The following KLHL15 variants were observed in gnomAD, a reference collection of about 807,000 sequenced individuals.
KLHL15 encodes the protein kelch like family member 15, also known as kelch-like protein 15.
KLHL15 carries 1 observed loss-of-function variant against 29.3 expected under a neutral mutation model. The ratio of observed to expected loss-of-function variants is 0.03; its 90% CI spans 0.01 to 0.16. The LOEUF is 0.16. Among genes scored for constraint, KLHL15 ranks in the 10% least tolerant of loss-of-function variants. The pLI, the probability that KLHL15 is intolerant of heterozygous loss-of-function variation, is 1.00. For missense variants in KLHL15, 215 were observed against 478.5 expected, an observed-to-expected ratio of 0.45 and a Z score of 5.14; for synonymous variants, 212 against 184.5, an observed-to-expected ratio of 1.15 and a Z score of -1.21.
intron 2 of KLHL15, among the ~76,000 whole-genome samples, chrX:24,010,343 T>A (rs1249212068): frequency 8.9e-6 from 1 of 111,968 alleles, no homozygotes; most frequent in East Asian, 2.8e-4. Context: ...TTCCCTTAAC[T>A]CTCTGCCTGT....
In KLHL15 at chrX:24,019,042, TTTCA is replaced by T. The variant is rs762468202; in HGVS notation, c.-8+5811_-8+5814del. On this transcript the variant is annotated intron_variant, in intron 2 of 3. Transcript: ENST00000328046. ...AAGAATAGTTATTTGTCTTTTTCAC[TTTCA>T]TTCTGTTTTCTAGAGGTTTACACAT... Among the ~76,000 whole-genome samples, 13 of 111,907 alleles carry T rather than the reference TTTCA, an allele frequency of 1.2e-4. No individual in the cohort carries two copies. The South Asian group carries it at 4.5e-3, about 38-fold the overall frequency.
At chrX:24,027,063 C>T (rs2061447298) in intron 1 of KLHL15, 77 bp downstream of exon 1, 1 of 112,172 alleles carries the variant, frequency 8.9e-6, no homozygotes, top group Non-Finnish European at 1.9e-5. Flanking sequence ...GCATTATTCC[C>T]GAACATCTAA....
intron 2 of KLHL15, among the ~76,000 whole-genome samples, chrX:24,007,324 C>T (rs1014172274): frequency 3.7e-5 from 4 of 107,497 alleles, no homozygotes; most frequent in African/African-American, 1.3e-4. Context: ...GAAACTCCAA[C>T]TCTACTAAAA....
intron 3 of KLHL15, among the ~76,000 whole-genome samples, chrX:23,989,540 T>C (rs1929042392): frequency 9.0e-6 from 1 of 111,505 alleles, no homozygotes; most frequent in Non-Finnish European, 1.9e-5. Flanking sequence ...AAACAAATAA[T>C]TAGGCACCTA....
At chrX:24,017,346 C>T (rs1211168919) in intron 2 of KLHL15, among the ~76,000 whole-genome samples, 4 of 111,005 alleles carry the variant, frequency 3.6e-5, no homozygotes, top group Non-Finnish European at 7.5e-5. Flanking sequence ...ATCTTGGTTT[C>T]CATCCATACA....
chrX:24,008,597 C>G (rs761855540), intron 2 of KLHL15, among the ~76,000 whole-genome samples: 1 of 110,310 alleles, frequency 9.1e-6, no homozygotes, highest in East Asian at 2.9e-4. Flanking sequence ...TTTCACATAC[C>G]CCCACCCCAG....
At chrX:24,010,663 C>G (rs1045473336) in intron 2 of KLHL15, among the ~76,000 whole-genome samples, 1 of 111,899 alleles carries the variant, frequency 8.9e-6, no homozygotes, top group Non-Finnish European at 1.9e-5. Context: ...GATGTGGCAG[C>G]CAACATCTAC....
chrX:24,004,269 T>C (rs1929397381), intron 3 of KLHL15, among the ~76,000 whole-genome samples: 1 of 110,620 alleles, frequency 9.0e-6, no homozygotes, highest in Non-Finnish European at 1.9e-5. Context: ...GGCATGAGAA[T>C]TGCTGGAACC....
At chrX:24,006,971 CCAG>C (rs1223214693) in intron 2 of KLHL15, among the ~76,000 whole-genome samples, 1 of 109,432 alleles carries the variant, frequency 9.1e-6, no homozygotes, top group Non-Finnish European at 1.9e-5. Flanking sequence ...TCGCTTGAGC[CCAG>C]GAGTTGGAGA....
At chrX:24,026,386 TC>T (rs1438335675) in intron 1 of KLHL15, among the ~76,000 whole-genome samples, 2 of 112,426 alleles carry the variant, frequency 1.8e-5, no homozygotes, top group African/African-American at 6.5e-5. Flanking sequence ...TATTACCTTT[TC>T]TTGACAAGAA....
intron 3 of KLHL15, among the ~76,000 whole-genome samples, chrX:23,997,091 GA>G (rs1245347744): frequency 9.0e-6 from 1 of 111,663 alleles, no homozygotes; most frequent in African/African-American, 3.3e-5. Context: ...GTGAACTTCA[GA>G]AGTAAAGTGA....
chrX:23,988,949 G>T lies in KLHL15; in HGVS notation c.787C>A (p.His263Asn), dbSNP rs756377419. The change falls in exon 4 of 4, where the codon CAC (histidine) becomes AAC (asparagine). Residue 263 changes from histidine (H) to asparagine (N), a missense_variant. Transcript: ENST00000328046. ...DQALNYFQNV[H>N]QQPLLDMKSS... ...TTCATATCCAACAAAGGCTGCTGGT[G>T]AACATTCTGAAAGTAATTCAATGCT... 1 of 1,209,637 alleles carries T rather than the reference G, an allele frequency of 8.3e-7. No homozygotes were observed. Among genetic ancestry groups the T allele is most frequent in the Non-Finnish European group, 1.1e-6 (1 of 894,997 alleles).
intron 2 of KLHL15, 50 bp downstream of exon 2, chrX:24,024,807 G>C (rs2147113761): frequency 6.7e-6 from 2 of 296,732 alleles, no homozygotes; most frequent in East Asian, 9.5e-5. Flanking sequence ...GCTCGGGGCC[G>C]CGGGCGAAGC....
chrX:23,997,172 C>A (rs1321448027), intron 3 of KLHL15, among the ~76,000 whole-genome samples: 1 of 112,523 alleles, frequency 8.9e-6, no homozygotes, highest in Non-Finnish European at 1.9e-5. Context: ...TGGTAAAGTT[C>A]TCTATCCCTT....
At chrX:24,024,256 T>C (rs1487200767) in intron 2 of KLHL15, among the ~76,000 whole-genome samples, 2 of 112,228 alleles carry the variant, frequency 1.8e-5, no homozygotes, top group Non-Finnish European at 3.8e-5. Context: ...TCCGTACTTA[T>C]TTGCTTATAT....
chrX:24,000,834 A>T (rs902909066), intron 3 of KLHL15, among the ~76,000 whole-genome samples: 4 of 112,610 alleles, frequency 3.6e-5, no homozygotes, highest in African/African-American at 1.3e-4. Flanking sequence ...TTGCCCAGGC[A>T]ATTTCATTTA....
At chrX:24,002,031 G>A (rs1447841776) in intron 3 of KLHL15, among the ~76,000 whole-genome samples, 1 of 108,692 alleles carries the variant, frequency 9.2e-6, no homozygotes, top group African/African-American at 3.3e-5. Context: ...TACTCGGGAG[G>A]CTGAGGCAGG....
At chrX:24,012,986 C>G (rs1219272190) in intron 2 of KLHL15, among the ~76,000 whole-genome samples, 1 of 111,128 alleles carries the variant, frequency 9.0e-6, no homozygotes, top group East Asian at 2.8e-4. Flanking sequence ...AGAGGTCTAT[C>G]TATAATTTGG....
At chrX:24,003,601 C>T (rs776352903) in intron 3 of KLHL15, among the ~76,000 whole-genome samples, 67 of 107,277 alleles carry the variant, frequency 6.2e-4, no homozygotes, top group Non-Finnish European at 1.2e-3. Flanking sequence ...TAGATGCTAC[C>T]TATATGTACG....
Sources: allele counts gnomAD v4.1 joint callset (sites outside exome capture counted in the v4.1 genomes callset), GRCh38; gene constraint gnomAD v4.1.1; transcripts MANE v1.5; gene names NCBI Gene and HGNC (gene_info 2026-07-23, HGNC 2026-07-21).